PDE10A: variants seen among roughly 807,000 people sequenced by gnomAD.
PDE10A encodes cAMP and cAMP-inhibited cGMP 3',5'-cyclic phosphodiesterase 10A.
Under a neutral mutation model 97.7 loss-of-function variants are expected in PDE10A, and 39 were observed. The ratio of observed to expected loss-of-function variants is 0.40; its 90% CI spans 0.31 to 0.52. PDE10A has a LOEUF of 0.52. Among genes scored for constraint, PDE10A ranks in the 20% least tolerant of loss-of-function variants. The pLI, the probability that PDE10A is intolerant of heterozygous loss-of-function variation, is 0.56. For synonymous variants in PDE10A, 371 were observed against 376.8 expected, an observed-to-expected ratio of 0.98 and a Z score of 0.18; for missense variants, 731 against 1,047.8, an observed-to-expected ratio of 0.70 and a Z score of 4.17.
At chr6:165,694,880 A>T (rs576864991) in intron 1 of PDE10A, among the ~76,000 whole-genome samples, 1 of 152,308 alleles carries the variant, frequency 6.6e-6, no homozygotes, top group East Asian at 1.9e-4. Context: ...CCTCCCTAAA[A>T]ACAGGATAGT....
chr6:165,707,778 T>A lies in PDE10A; in HGVS notation c.-614-164210A>T, dbSNP rs931483351. On this transcript the variant is annotated intron_variant, in intron 1 of 19. Coordinates refer to the PDE10A transcript ENST00000366882. ...GAGTGTGTGAAAGTGTATGTGTGTG[T>A]GAGATTGTGTTTATGTGTGTGTGTC... Among the ~76,000 whole-genome samples, 11 of 151,982 alleles carry A rather than the reference T, an allele frequency of 7.2e-5. 1 individual carries two copies. Among genetic ancestry groups the A allele is most frequent in the Admixed American group, 5.9e-4 (9 of 15,250 alleles).
intron 1 of PDE10A, among the ~76,000 whole-genome samples, chr6:165,740,154 G>A (rs1303661156): frequency 6.6e-6 from 1 of 152,138 alleles, no homozygotes; most frequent in Non-Finnish European, 1.5e-5. Flanking sequence ...AGAGATATCT[G>A]CACTCCTATT....
chr6:165,725,825 G>A lies in PDE10A; in HGVS notation c.-614-182257C>T, dbSNP rs75709714. Among the ~76,000 whole-genome samples, 52 of 152,146 alleles carry A rather than the reference G, an allele frequency of 3.4e-4. No individual in the cohort carries two copies. The South Asian group carries it at 5.4e-3, about 16-fold the overall frequency. The stretch of plus-strand genomic sequence containing the variant: ...TTTCTGCCCCTAGCAAGCACAAGAC[G>A]TATCCAACTTGTCCTCCCAGCTCCA... On this transcript the variant is annotated intron_variant, in intron 1 of 19. Coordinates refer to the PDE10A transcript ENST00000366882.
Position 165,332,854 on chromosome 6 carries a change from T to C in PDE10A, c.*171A>G. On this transcript the variant is annotated 3_prime_UTR_variant, in exon 22 of 22. Transcript: ENST00000539869. Reference sequence around the variant, plus strand: ...GTCTATGATGCCTCACAGAAGAGATTGGCAGGAAGTCCTCTGCTTGACTTA... The same window carrying C: ...GTCTATGATGCCTCACAGAAGAGATCGGCAGGAAGTCCTCTGCTTGACTTA... 2 of 591,712 alleles carry C rather than the reference T, an allele frequency of 3.4e-6. No homozygotes were observed. The highest frequency in any genetic ancestry group is 4.0e-5 in the South Asian group (2 of 49,780). 36.7% of individuals were successfully genotyped at this position (591,712 alleles called of 1,614,324 possible). A position where few individuals can be genotyped will look rare whatever the true frequency, so the allele number is the denominator to read the frequency against.
Position 165,435,335 on chromosome 6 carries a change from GT to G in PDE10A, c.1236del (p.Lys412AsnfsTer28). 6.2e-7 allele frequency: 1 copy of G among 1,614,056 alleles called. No homozygotes were observed. Among genetic ancestry groups the G allele is most frequent in the Non-Finnish European group, 8.5e-7 (1 of 1,179,956 alleles). ...ATGGGCCCAGCAGGGATGAGGCGGG[GT>G]TTTCCTTCCTTTATCCCAGGTGGCG... is the stretch of plus-strand genomic sequence containing the variant. ...IFTPPGIKEG[K>X]PRLIPAGPIT... On this transcript the variant is annotated frameshift_variant, in exon 6 of 22. Coordinates refer to ENST00000539869, the MANE Select transcript of PDE10A (RefSeq NM_001385079.1). LOFTEE classifies it high-confidence loss of function.
intron 1 of PDE10A, among the ~76,000 whole-genome samples, chr6:165,556,168 T>C (rs1422962223): frequency 6.6e-6 from 1 of 152,172 alleles, no homozygotes; most frequent in Non-Finnish European, 1.5e-5. Context: ...AGGGAAAAGT[T>C]ATATGCAGGA....
At chr6:165,886,198 GGCCCTGGAGCCCTGCA>G (rs1280059310) in intron 1 of PDE10A, among the ~76,000 whole-genome samples, 2 of 152,244 alleles carry the variant, frequency 1.3e-5, no homozygotes, top group East Asian at 1.9e-4. Context: ...GATTCCAGCA[GGCCCTGGAGCCCTGCA>G]GCCCTGGAGC....
chr6:165,681,048 A>T (rs1394121967), intron 1 of PDE10A, among the ~76,000 whole-genome samples: 1 of 152,252 alleles, frequency 6.6e-6, no homozygotes, highest in African/African-American at 2.4e-5. Context: ...TGTAAATTGC[A>T]TATGAAGACG....
intron 3 of PDE10A, among the ~76,000 whole-genome samples, chr6:165,453,002 T>C (rs530950120): frequency 4.3e-4 from 65 of 152,142 alleles, no homozygotes; most frequent in Non-Finnish European, 9.0e-4. Flanking sequence ...TAAAGGCTAT[T>C]CTGATGAGGT....
intron 1 of PDE10A, among the ~76,000 whole-genome samples, chr6:165,950,219 C>T (rs942681571): frequency 6.6e-6 from 1 of 152,000 alleles, no homozygotes; most frequent in African/African-American, 2.4e-5. Context: ...TAGGAGATCC[C>T]AAAAAATACT....
At chr6:165,815,509 A>T (rs1779385296) in intron 1 of PDE10A, among the ~76,000 whole-genome samples, 1 of 152,158 alleles carries the variant, frequency 6.6e-6, no homozygotes, top group South Asian at 2.1e-4. Context: ...ATGAGTCCTG[A>T]GTTACCTGAA....
chr6:165,848,650 A>C (rs1408984086), intron 1 of PDE10A, among the ~76,000 whole-genome samples: 1 of 152,232 alleles, frequency 6.6e-6, no homozygotes, highest in Admixed American at 6.5e-5. Context: ...TGGAAGCCTC[A>C]AGCCCATATG....
chr6:165,963,074 A>G (rs186518489), intron 1 of PDE10A, among the ~76,000 whole-genome samples: 1 of 152,240 alleles, frequency 6.6e-6, no homozygotes, highest in Non-Finnish European at 1.5e-5. Context: ...ACACAGAAGA[A>G]CATATGACTA....
chr6:165,896,222 C>T (rs1278635335), intron 1 of PDE10A, among the ~76,000 whole-genome samples: 1 of 152,158 alleles, frequency 6.6e-6, no homozygotes, highest in African/African-American at 2.4e-5. Context: ...AGCCGTTTCA[C>T]CTTGTCCCAG....
intron 3 of PDE10A, among the ~76,000 whole-genome samples, chr6:165,454,487 C>CCGT (rs1268081377): frequency 6.6e-6 from 1 of 152,108 alleles, no homozygotes; most frequent in African/African-American, 2.4e-5. Flanking sequence ...CATGATGGCC[C>CCGT]CGTCTTCATA....
At chr6:165,349,103 C>T (rs554444870) in intron 18 of PDE10A, among the ~76,000 whole-genome samples, 60 of 152,222 alleles carry the variant, frequency 3.9e-4, no homozygotes, top group African/African-American at 1.3e-3. Context: ...ACTGTGGAAG[C>T]GACTTTGGAA....
At chr6:165,850,764 C>G (rs1780552391) in intron 1 of PDE10A, among the ~76,000 whole-genome samples, 1 of 152,122 alleles carries the variant, frequency 6.6e-6, no homozygotes, top group Admixed American at 6.5e-5. Flanking sequence ...TTTTCAACCA[C>G]ATAATTTATT....
intron 1 of PDE10A, among the ~76,000 whole-genome samples, chr6:165,803,586 T>C (rs1032877604): frequency 6.6e-6 from 1 of 152,242 alleles, no homozygotes; most frequent in Non-Finnish European, 1.5e-5. Context: ...GTGCCCAGCT[T>C]GTAACCTAGC....
chr6:165,894,629 T>A (rs759169378), intron 1 of PDE10A: 1 of 433,298 alleles, frequency 2.3e-6, no homozygotes, highest in Non-Finnish European at 4.7e-6. Context: ...ATGAAGAAGA[T>A]AAGCAGTCTT....
Sources: allele counts gnomAD v4.1 joint callset (sites outside exome capture counted in the v4.1 genomes callset), GRCh38; gene constraint gnomAD v4.1.1; transcripts MANE v1.5; gene names NCBI Gene and HGNC (gene_info 2026-07-23, HGNC 2026-07-21).